The following NCAPD3 variants were observed in gnomAD, a reference collection of about 807,000 sequenced individuals.
NCAPD3 encodes condensin-2 complex subunit D3.
NCAPD3 carries 105 observed loss-of-function variants against 182.9 expected under a neutral mutation model. The observed-to-expected ratio is 0.57, with a 90% CI of 0.49 to 0.68. The LOEUF (loss-of-function observed/expected upper bound fraction) is 0.68, where lower values mean the gene tolerates loss of function less well. NCAPD3 is among the 30% of genes least tolerant of loss of function. The probability of loss-of-function intolerance (pLI) is 0.00; values close to 1 mark genes in which losing one functional copy is unlikely to be tolerated. For missense variants in NCAPD3, 1,944 were observed against 1,837.0 expected (o/e 1.06, Z -1.07); for synonymous variants, 815 against 679.9 (o/e 1.20, Z -3.09).
At chr11:134,216,735 TG>T (rs1216618281) in intron 3 of NCAPD3, among the ~76,000 whole-genome samples, 200 bp downstream of exon 3, 1 of 150,664 alleles carries the variant, frequency 6.6e-6, no homozygotes, top group Non-Finnish European at 1.5e-5. Context: ...TAACTTCGGA[TG>T]AAAAAAAAAA....
intron 27 of NCAPD3, among the ~76,000 whole-genome samples, chr11:134,165,622 T>C (rs1488767632): frequency 8.1e-6 from 1 of 124,162 alleles, no homozygotes; most frequent in Non-Finnish European, 1.6e-5. Flanking sequence ...CGCACACTCG[T>C]GAGATGAGCT....
chr11:134,173,327 C>A, intron 24 of NCAPD3: 1 of 154,404 alleles, frequency 6.5e-6, no homozygotes, highest in South Asian at 1.8e-4. Flanking sequence ...TTTGAGATAC[C>A]ACAGATGGAT....
intron 23 of NCAPD3, 75 bp downstream of exon 23, chr11:134,177,144 C>T (rs1228210958): frequency 5.2e-6 from 6 of 1,160,428 alleles, no homozygotes; most frequent in East Asian, 2.4e-5. Context: ...AGCACATTTC[C>T]TATGCTACTC....
At chr11:134,165,114 CACTT>C (rs1423512641) in intron 27 of NCAPD3, among the ~76,000 whole-genome samples, 15 of 151,446 alleles carry the variant, frequency 9.9e-5, no homozygotes, top group South Asian at 4.2e-4. Flanking sequence ...GCTGCACACT[CACTT>C]GTGAGATGAG....
At position 134,153,011 on chromosome 11, in the gene NCAPD3, C is replaced by T; in HGVS notation, c.4430G>A (p.Arg1477Lys). The T allele has an allele frequency of 6.3e-7, 1 of 1,592,764 alleles. No homozygotes were observed. Among genetic ancestry groups the T allele is most frequent in the Non-Finnish European group, 8.6e-7 (1 of 1,167,570 alleles). The change falls in exon 35 of 35, where the codon AGG (arginine) becomes AAG (lysine). Residue 1477 changes from arginine (R) to lysine (K), a missense_variant. Transcript: ENST00000534548. ...GCTGCAGGCTGGAGTGTCTTTATTC[C>T]TGGCGGGAGACCGCACATTCCACTG... is the stretch of plus-strand genomic sequence containing the variant. ...PQQWNVRSPA[R>K]NKDTPACSRR...
At chr11:134,215,975 C>A (rs937884426) in intron 3 of NCAPD3, among the ~76,000 whole-genome samples, 5 of 152,150 alleles carry the variant, frequency 3.3e-5, no homozygotes, top group African/African-American at 1.2e-4. Flanking sequence ...AAGTGGCCCA[C>A]GCAATTAGTA....
chr11:134,212,012 G>A (rs1236846937), intron 3 of NCAPD3, among the ~76,000 whole-genome samples: 5 of 151,992 alleles, frequency 3.3e-5, no homozygotes, highest in African/African-American at 9.7e-5. Flanking sequence ...GAACCCAATC[G>A]CAATAAGCAC....
intron 16 of NCAPD3, among the ~76,000 whole-genome samples, chr11:134,188,327 C>T (rs755724288): frequency 7.9e-5 from 12 of 152,164 alleles, no homozygotes; most frequent in Admixed American, 2.0e-4. Context: ...ATTGTAAATG[C>T]ACCAATCAGC....
chr11:134,155,366 C>G (rs557221931), intron 32 of NCAPD3, among the ~76,000 whole-genome samples: 1 of 152,282 alleles, frequency 6.6e-6, no homozygotes, highest in Admixed American at 6.5e-5. Context: ...TGCTTTTAAA[C>G]TATCTAACAG....
At chr11:134,192,294 TGTTA>T (rs1344854153) in intron 16 of NCAPD3, among the ~76,000 whole-genome samples, 3 of 152,212 alleles carry the variant, frequency 2.0e-5, no homozygotes, top group Non-Finnish European at 2.9e-5. Context: ...AAGCCTGCAG[TGTTA>T]GTTAAGTCAA....
chr11:134,175,499 G>T (rs545040511), intron 24 of NCAPD3, among the ~76,000 whole-genome samples: 1 of 152,296 alleles, frequency 6.6e-6, no homozygotes, highest in South Asian at 2.1e-4. Flanking sequence ...AGAAAACTGA[G>T]CAGAAACTTC....
intron 32 of NCAPD3, 189 bp from the exon 33 acceptor site, chr11:134,153,552 T>C: frequency 1.6e-6 from 1 of 631,468 alleles, no homozygotes; most frequent in Non-Finnish European, 2.8e-6. Flanking sequence ...CCTTTCCGTC[T>C]CTCTGACCCC....
At chr11:134,216,217 C>T (rs960174620) in intron 3 of NCAPD3, among the ~76,000 whole-genome samples, 2 of 152,168 alleles carry the variant, frequency 1.3e-5, no homozygotes, top group Non-Finnish European at 1.5e-5. Flanking sequence ...AAATATAAGA[C>T]CTTTTTGCCC....
Position 134,221,417 on chromosome 11 carries a change from C to T in NCAPD3, c.65-691G>A, listed in dbSNP as rs1015337290. Among the ~76,000 whole-genome samples, 8 of 151,230 alleles carry T rather than the reference C, an allele frequency of 5.3e-5. No individual in the cohort carries two copies. The East Asian group carries it at 1.2e-3, about 22-fold the overall frequency. ...AACTTAAAGTTTTTGGGTACATGTG[C>T]ACAACATGCAGGTTTGTTACATAGG... On this transcript the variant is annotated intron_variant, in intron 1 of 34. Transcript: ENST00000534548.
chr11:134,198,415 C>A lies in NCAPD3; in HGVS notation c.1616-3677G>T, dbSNP rs181198312. Among the ~76,000 whole-genome samples, 258 of 152,288 alleles carry A rather than the reference C, an allele frequency of 1.7e-3. 1 individual carries two copies. Among genetic ancestry groups the A allele is most frequent in the Non-Finnish European group, 3.0e-3 (201 of 68,032 alleles). Reference sequence around the variant, plus strand: ...CTTGTCCCTGCCTTTTGGGACCAAACCAATGTATCTATTAAACGTATCTGA... The same window carrying A: ...CTTGTCCCTGCCTTTTGGGACCAAAACAATGTATCTATTAAACGTATCTGA... On this transcript the variant is annotated intron_variant, in intron 13 of 34. Transcript: ENST00000534548.
chr11:134,153,253 T>G (rs1413531108), intron 33 of NCAPD3, 36 bp downstream of exon 33: 20 of 1,613,668 alleles, frequency 1.2e-5, no homozygotes, highest in Admixed American at 5.0e-5. Context: ...TCAAAGGCAG[T>G]GCATCTATCA....
chr11:134,214,767 C>G (rs1937956468), intron 3 of NCAPD3, among the ~76,000 whole-genome samples: 1 of 152,118 alleles, frequency 6.6e-6, no homozygotes, highest in African/African-American at 2.4e-5. Flanking sequence ...ACTCCAGGCC[C>G]AGATGACTTC....
intron 25 of NCAPD3, 44 bp downstream of exon 25, chr11:134,168,873 T>G: frequency 6.3e-7 from 1 of 1,591,302 alleles, no homozygotes; most frequent in African/African-American, 1.3e-5. Flanking sequence ...TTCCCCCAGC[T>G]CTTACCCAGA....
rs745665288 is a variant in NCAPD3 at position 134,204,931 on chromosome 11, C to T, written c.1057G>A (p.Val353Ile). 20 of 1,613,544 alleles carry T rather than the reference C, an allele frequency of 1.2e-5. No individual in the cohort carries two copies. The highest frequency in any genetic ancestry group is 6.7e-5 in the African/African-American group (5 of 74,868). ...DELKESIFPVVRILLQHICAK... is the reference protein window; with the variant it reads ...DELKESIFPVIRILLQHICAK... The stretch of plus-strand genomic sequence containing the variant: ...CAGATGTGCTGCAGTAAGATACGGA[C>T]GACTGGGAATATACTCTCCTTTAAT... The change falls in exon 9 of 35, where the codon GTC becomes ATC. Residue 353 changes from valine to isoleucine, a missense_variant. Around this residue, in one of 3 missense-constraint regions of NCAPD3, gnomAD observed 1,803 missense variants for 1,674.6 expected, o/e 1.08. Transcript: ENST00000534548. The surrounding 1 kb of genome is among the most constrained non-coding windows in gnomAD (Gnocchi z 4.3).
Sources: allele counts gnomAD v4.1 joint callset (sites outside exome capture counted in the v4.1 genomes callset), GRCh38; gene constraint gnomAD v4.1.1; regional missense constraint gnomAD v4.1.1; non-coding constraint Gnocchi (gnomAD v3.1); transcripts MANE v1.5; gene names NCBI Gene and HGNC (gene_info 2026-07-23, HGNC 2026-07-21).